PIAS1: variants seen among roughly 807,000 people sequenced by gnomAD.
PIAS1 encodes the protein E3 SUMO-protein ligase PIAS1.
Under a neutral mutation model 71.3 loss-of-function variants are expected in PIAS1, and 6 were observed. The ratio of observed to expected loss-of-function variants is 0.08; its 90% CI spans 0.05 to 0.17. PIAS1 has a LOEUF of 0.17. PIAS1 is among the 10% of genes least tolerant of loss of function. PIAS1 has a pLI of 1.00. For synonymous variants in PIAS1, 303 were observed against 292.9 expected, an observed-to-expected ratio of 1.03 and a Z score of -0.35; for missense variants, 555 against 793.6, an observed-to-expected ratio of 0.70 and a Z score of 3.61.
rs763713711 is a variant in PIAS1, at chr15:68,086,644, A to C, written c.363A>C (p.Glu121Asp). The C allele has an allele frequency of 3.7e-6, 6 of 1,612,920 alleles. No homozygotes were observed. The South Asian group carries it at 5.5e-5, about 15-fold the overall frequency. The change falls in exon 2 of 14, where the codon GAA (glutamate) becomes GAC (aspartate). Residue 121 changes from glutamate (E) to aspartate (D), a missense_variant. Physicochemically the swap from Glu to Asp is conservative, Grantham distance 45. This residue lies in a region of PIAS1 where 80 missense variants were observed against 66.9 expected (regional missense o/e 1.20). Coordinates refer to ENST00000249636, the MANE Select transcript of PIAS1 (RefSeq NM_016166.3). The surrounding 1 kb of genome is among the most constrained non-coding windows in gnomAD (Gnocchi z 7.2). ...TTCTGGGACCTAAACATGAACTGGA[A>C]CTCCCACATCTTACATCAGCTCTTC... ...VSLLGPKHEL[E>D]LPHLTSALHP... is the part of the protein sequence containing the mutation.
At chr15:68,127,976 G>T (rs750205010) in intron 2 of PIAS1, among the ~76,000 whole-genome samples, 1 of 152,054 alleles carries the variant, frequency 6.6e-6, no homozygotes, top group Non-Finnish European at 1.5e-5. Flanking sequence ...TGTCAGCCAG[G>T]CTGGTTTCGA....
Position 68,169,295 on chromosome 15 carries a change from A to G in PIAS1, c.1009-4437A>G, listed in dbSNP as rs539435925. Among the ~76,000 whole-genome samples the G allele has an allele frequency of 4.6e-5, 7 of 152,370 alleles. No individual in the cohort carries two copies. The South Asian group carries it at 8.3e-4, about 18-fold the overall frequency. ...GAAAATGTTTCTGAACTAATGCAAC[A>G]TGGTATCTTGCCTAATGGTAATTTT... On this transcript the variant is annotated intron_variant, in intron 8 of 13. Transcript: ENST00000249636.
chr15:68,141,164 A>G (rs1428222075), intron 2 of PIAS1, among the ~76,000 whole-genome samples: 1 of 151,988 alleles, frequency 6.6e-6, no homozygotes, highest in Non-Finnish European at 1.5e-5. Flanking sequence ...GTGCCACTGT[A>G]CTCCAGCCTG....
At chr15:68,121,646 T>C (rs919210287) in intron 2 of PIAS1, among the ~76,000 whole-genome samples, 2 of 152,160 alleles carry the variant, frequency 1.3e-5, no homozygotes, top group Non-Finnish European at 2.9e-5. Context: ...CAGGGTATTC[T>C]CAGGTCATCT....
chr15:68,098,522 G>T (rs530213379), intron 2 of PIAS1, among the ~76,000 whole-genome samples: 2 of 152,106 alleles, frequency 1.3e-5, no homozygotes, highest in Non-Finnish European at 2.9e-5. Context: ...AGGGTCAATT[G>T]TACTTAATTT....
intron 7 of PIAS1, among the ~76,000 whole-genome samples, chr15:68,160,524 A>C (rs1456245071): frequency 2.0e-5 from 3 of 152,168 alleles, no homozygotes; most frequent in Non-Finnish European, 2.9e-5. Flanking sequence ...GTAAGTCTTG[A>C]AATCAGTTAG....
chr15:68,127,503 T>A (rs1030707242), intron 2 of PIAS1, among the ~76,000 whole-genome samples: 37 of 152,226 alleles, frequency 2.4e-4, no homozygotes, highest in South Asian at 2.1e-4. Context: ...CACTGCTAGT[T>A]GAGGATGCGT....
chr15:68,075,937 C>A (rs1047369822), intron 1 of PIAS1, among the ~76,000 whole-genome samples: 2 of 152,004 alleles, frequency 1.3e-5, no homozygotes, highest in Non-Finnish European at 2.9e-5. Context: ...TGCCCAGGAC[C>A]GTGCCTGGTT....
chr15:68,151,326 A>G (rs1032166961), intron 6 of PIAS1, among the ~76,000 whole-genome samples: 10 of 152,058 alleles, frequency 6.6e-5, no homozygotes, highest in Admixed American at 4.6e-4. Flanking sequence ...TAGAGTGAGC[A>G]TACCTTTTCA....
chr15:68,187,852 C>T lies in PIAS1; in HGVS notation c.*17C>T, dbSNP rs375950209. 31 of 1,604,796 alleles carry T rather than the reference C, an allele frequency of 1.9e-5. No individual in the cohort carries two copies. The highest frequency in any genetic ancestry group is 2.6e-5 in the Non-Finnish European group (31 of 1,174,352). On this transcript the variant is annotated 3_prime_UTR_variant, in exon 14 of 14. Transcript: ENST00000249636. This position sits in a 1 kb window ranked among gnomAD's most constrained non-coding sequence, Gnocchi z 5.3. ...TTGGACTGATTCCCAGGCCCTGCTG[C>T]TCCCATCCCCACCCCAGATCGAATG...
intron 1 of PIAS1, among the ~76,000 whole-genome samples, chr15:68,078,342 A>G (rs1473955819): frequency 6.6e-6 from 1 of 152,106 alleles, no homozygotes; most frequent in Non-Finnish European, 1.5e-5. Context: ...TTACATGTAG[A>G]TAAATCCTGC....
intron 8 of PIAS1, among the ~76,000 whole-genome samples, chr15:68,165,183 GC>G (rs2092949735): frequency 1.3e-5 from 2 of 152,108 alleles, no homozygotes; most frequent in African/African-American, 2.4e-5. Flanking sequence ...GTGCAATGGT[GC>G]CATCTCGGCT....
At chr15:68,093,688 G>T (rs1365792599) in intron 2 of PIAS1, among the ~76,000 whole-genome samples, 1 of 152,174 alleles carries the variant, frequency 6.6e-6, no homozygotes, top group Non-Finnish European at 1.5e-5. Context: ...GGGTTATAAT[G>T]GGGGGAAGGA....
chr15:68,164,915 A>G, intron 8 of PIAS1, 111 bp downstream of exon 8: 1 of 611,278 alleles, frequency 1.6e-6, no homozygotes, highest in South Asian at 2.3e-5. Flanking sequence ...TATGTCCACC[A>G]TTGTTACAGT....
intron 2 of PIAS1, among the ~76,000 whole-genome samples, chr15:68,109,022 C>A (rs1220476893): frequency 1.3e-5 from 2 of 152,184 alleles, no homozygotes; most frequent in Non-Finnish European, 2.9e-5. Context: ...TTAAAACTCT[C>A]CATTTGCCTG....
At position 68,172,459 on chromosome 15, in the gene PIAS1, G is replaced by A. The variant is rs141013845; in HGVS notation, c.1009-1273G>A. 1.5e-3 allele frequency among the ~76,000 whole-genome samples: 227 copies of A among 152,246 alleles called. 4 individuals are homozygous for A. The highest frequency in any genetic ancestry group is 5.2e-3 in the African/African-American group (216 of 41,542). On this transcript the variant is annotated intron_variant, in intron 8 of 13. Coordinates refer to ENST00000249636, the MANE Select transcript of PIAS1 (RefSeq NM_016166.3). ...AGTAATGGGATTGCTGGGTCAAATG[G>A]TATTTCTAGTTCCAGATCCTTGAGG...
At chr15:68,103,688 A>G (rs2092447147) in intron 2 of PIAS1, among the ~76,000 whole-genome samples, 1 of 152,212 alleles carries the variant, frequency 6.6e-6, no homozygotes, top group Non-Finnish European at 1.5e-5. Flanking sequence ...TGGACATCTC[A>G]TATGAATGGA....
chr15:68,084,072 ATTC>A (rs963741112), intron 1 of PIAS1, among the ~76,000 whole-genome samples: 22 of 152,182 alleles, frequency 1.4e-4, no homozygotes, highest in Non-Finnish European at 2.6e-4. Context: ...ATGTCAACAT[ATTC>A]TTCTACAAAA....
chr15:68,179,846 G>A (rs1234976476), intron 11 of PIAS1, among the ~76,000 whole-genome samples: 14 of 151,766 alleles, frequency 9.2e-5, no homozygotes, highest in Admixed American at 9.2e-4. Context: ...CCAAAGTGCT[G>A]GGATTACAGG....
Sources: allele counts gnomAD v4.1 joint callset (sites outside exome capture counted in the v4.1 genomes callset), GRCh38; gene constraint gnomAD v4.1.1; regional missense constraint gnomAD v4.1.1; non-coding constraint Gnocchi (gnomAD v3.1); transcripts MANE v1.5; gene names NCBI Gene and HGNC (gene_info 2026-07-23, HGNC 2026-07-21).